Variants in MACROD2 observed in about 807,000 individuals in gnomAD.
MACROD2 encodes mono-ADP ribosylhydrolase 2.
Under a neutral mutation model 70.4 loss-of-function variants are expected in MACROD2, and 36 were observed. The observed-to-expected ratio is 0.51, with a 90% CI of 0.39 to 0.68. The LOEUF is 0.68. MACROD2 is among the 30% of genes least tolerant of loss of function. The probability of loss-of-function intolerance (pLI) is 0.00; values close to 1 mark genes in which losing one functional copy is unlikely to be tolerated. For missense variants in MACROD2, 496 were observed against 538.4 expected, an observed-to-expected ratio of 0.92 and a Z score of 0.78; for synonymous variants, 172 against 178.8, an observed-to-expected ratio of 0.96 and a Z score of 0.30.
In MACROD2 at chr20:14,456,310, G is replaced by A. The variant is rs529889320; in HGVS notation, c.272-37169G>A. The stretch of plus-strand genomic sequence containing the variant: ...ATCTTTGCTCAGTCTGCTGAAGGTA[G>A]GAATGCCTTAATATGGCATAGCACA... On this transcript the variant is annotated intron_variant, in intron 3 of 17. Coordinates refer to ENST00000684519, the MANE Select transcript of MACROD2 (RefSeq NM_001351661.2). Among the ~76,000 whole-genome samples, 39 of 151,930 alleles carry A rather than the reference G, an allele frequency of 2.6e-4. No individual in the cohort carries two copies. In the South Asian group the frequency reaches 7.7e-3, roughly 30 times the overall value.
chr20:15,461,001 TA>T (rs766694055), intron 7 of MACROD2, among the ~76,000 whole-genome samples: 13,098 of 84,754 alleles, frequency 0.15, 1,445 homozygotes, highest in East Asian at 0.31. Flanking sequence ...TATATATATA[TA>T]TATATTTTTT....
intron 5 of MACROD2, chr20:14,850,483 A>T (rs1193656233): frequency 1.3e-5 from 2 of 153,102 alleles, no homozygotes; most frequent in African/African-American, 4.8e-5. Flanking sequence ...CTAGTATTAA[A>T]TATTTGAGAT....
chr20:15,948,156 TAA>T (rs2065851438), intron 12 of MACROD2, among the ~76,000 whole-genome samples: 1 of 152,110 alleles, frequency 6.6e-6, no homozygotes, highest in African/African-American at 2.4e-5. Flanking sequence ...CATCCACCTT[TAA>T]GCATGGGGCT....
At chr20:15,230,591 T>C (rs1230409195) in intron 6 of MACROD2, among the ~76,000 whole-genome samples, 1 of 152,146 alleles carries the variant, frequency 6.6e-6, no homozygotes, top group Non-Finnish European at 1.5e-5. Context: ...TTAGATTTAT[T>C]TTACTCTTAT....
chr20:15,115,743 T>TCC (rs976964230), intron 5 of MACROD2, among the ~76,000 whole-genome samples: 2 of 152,116 alleles, frequency 1.3e-5, no homozygotes, highest in Non-Finnish European at 2.9e-5. Context: ...AAAAACATCT[T>TCC]TAGACTTAGG....
intron 6 of MACROD2, among the ~76,000 whole-genome samples, chr20:15,339,817 A>C (rs1323145279): frequency 6.6e-6 from 1 of 151,760 alleles, no homozygotes; most frequent in African/African-American, 2.4e-5. Flanking sequence ...AAGTATGGCT[A>C]CATATCATTT....
intron 2 of MACROD2, among the ~76,000 whole-genome samples, chr20:14,014,498 A>G (rs1022473144): frequency 6.6e-6 from 1 of 152,206 alleles, no homozygotes; most frequent in Non-Finnish European, 1.5e-5. Context: ...CAGGGCAATG[A>G]AAACCTATGA....
rs76360917 is a variant in MACROD2, at chr20:14,398,365, A to G, written c.272-95114A>G. 2.1e-3 allele frequency among the ~76,000 whole-genome samples: 317 copies of G among 149,322 alleles called. 1 individual carries two copies. The highest frequency in any genetic ancestry group is 5.6e-3 in the African/African-American group (227 of 40,820). On this transcript the variant is annotated intron_variant, in intron 3 of 17. Coordinates refer to ENST00000684519, the MANE Select transcript of MACROD2 (RefSeq NM_001351661.2). ...GGCCATACTAATTTACATCCCACCA[A>G]CAGTGTGTAGGAGTTCTCCTTTCTC...
chr20:14,728,021 A>G (rs1387189479), intron 5 of MACROD2, among the ~76,000 whole-genome samples: 6 of 152,118 alleles, frequency 3.9e-5, no homozygotes, highest in African/African-American at 1.4e-4. Flanking sequence ...ACTTATCTCT[A>G]TGTTAAACTA....
chr20:14,954,722 G>A (rs13036569), intron 5 of MACROD2, among the ~76,000 whole-genome samples: 109,636 of 111,240 alleles, frequency 0.99, 54,041 homozygotes, highest in Middle Eastern at 1. Context: ...ATATATAAAT[G>A]TATAAATATA....
intron 8 of MACROD2, among the ~76,000 whole-genome samples, chr20:15,755,890 C>G (rs553459008): frequency 5.9e-5 from 9 of 152,306 alleles, no homozygotes; most frequent in African/African-American, 1.9e-4. Context: ...GAAACAAACT[C>G]TAACCTCTTC....
At chr20:15,856,455 T>G (rs175801) in intron 8 of MACROD2, among the ~76,000 whole-genome samples, 25,444 of 152,220 alleles carry the variant, frequency 0.17, 2,325 homozygotes, top group South Asian at 0.37. Flanking sequence ...TCTCTGTATT[T>G]CTGTTCTCAG....
At chr20:14,983,398 AG>A (rs2074819505) in intron 5 of MACROD2, among the ~76,000 whole-genome samples, 1 of 151,982 alleles carries the variant, frequency 6.6e-6, no homozygotes, top group Non-Finnish European at 1.5e-5. Flanking sequence ...AGAATTGGGA[AG>A]GGCCAGGGGC....
chr20:14,171,216 C>T (rs1166449611), intron 3 of MACROD2, among the ~76,000 whole-genome samples: 1 of 151,988 alleles, frequency 6.6e-6, no homozygotes, highest in Admixed American at 6.6e-5. Context: ...TCTAATTGAG[C>T]TTATTTGGAT....
chr20:14,149,646 G>A lies in MACROD2; in HGVS notation c.271+63918G>A, dbSNP rs145922167. On this transcript the variant is annotated intron_variant, in intron 3 of 17. Coordinates refer to ENST00000684519, the MANE Select transcript of MACROD2 (RefSeq NM_001351661.2). The stretch of plus-strand genomic sequence containing the variant: ...TTTTCTCCATAGCCTTATAGCCAAT[G>A]TGTGTTGTTTTTGTCTTTTTAATAG... Among the ~76,000 whole-genome samples the A allele has an allele frequency of 3.8e-3, 581 of 152,200 alleles. 7 individuals are homozygous for A. The highest frequency in any genetic ancestry group is 0.013 in the African/African-American group (559 of 41,548).
At chr20:15,987,201 C>T (rs1174193454) in intron 15 of MACROD2, 43 bp downstream of exon 15, 3 of 1,442,754 alleles carry the variant, frequency 2.1e-6, no homozygotes, top group Non-Finnish European at 2.9e-6. Flanking sequence ...TGGAGAGTTT[C>T]TTTGGATTCC....
intron 3 of MACROD2, among the ~76,000 whole-genome samples, chr20:14,463,976 G>T (rs1283749406): frequency 6.6e-6 from 1 of 151,946 alleles, no homozygotes; most frequent in Admixed American, 6.6e-5. Flanking sequence ...GTTCATCAAG[G>T]ATATTGGTCT....
chr20:14,725,748 G>T (rs78073960), intron 5 of MACROD2, among the ~76,000 whole-genome samples: 5,207 of 152,192 alleles, frequency 0.034, 125 homozygotes, highest in Non-Finnish European at 0.05. Context: ...CAGAGTAGCC[G>T]CCCCAGAGGG....
chr20:15,595,232 A>G (rs571378370), intron 8 of MACROD2, among the ~76,000 whole-genome samples: 1 of 152,358 alleles, frequency 6.6e-6, no homozygotes, highest in East Asian at 1.9e-4. Flanking sequence ...ATACTACTGA[A>G]CTGTGCACTA....
Sources: gnomAD v4.1 joint callset for allele counts (sites outside exome capture counted in the v4.1 genomes callset) on GRCh38, gnomAD v4.1.1 for gene constraint, MANE v1.5 for transcripts, NCBI Gene and HGNC (gene_info 2026-07-23, HGNC 2026-07-21) for gene names.